Variants in CUX1 observed in about 807,000 individuals in gnomAD.
The protein encoded by CUX1 is cut like homeobox 1, also known as protein CASP.
CUX1 carries 31 observed loss-of-function variants against 158.8 expected under a neutral mutation model. The ratio of observed to expected loss-of-function variants is 0.20; its 90% CI spans 0.15 to 0.26. The LOEUF is 0.26. Among genes scored for constraint, CUX1 ranks in the 10% least tolerant of loss-of-function variants. CUX1 has a pLI of 1.00. For synonymous variants in CUX1, 879 were observed against 862.1 expected, an observed-to-expected ratio of 1.02 and a Z score of -0.34; for missense variants, 1,589 against 2,014.6, an observed-to-expected ratio of 0.79 and a Z score of 4.04.
At position 102,181,729 on chromosome 7, in the gene CUX1, T is replaced by C. The variant is rs189796255; in HGVS notation, c.1017+3072T>C. On this transcript the variant is annotated intron_variant, in intron 11 of 23. Coordinates refer to ENST00000292535, the MANE Select transcript of CUX1 (RefSeq NM_181552.4). ...ATTATCTTAACTCCTTGTTGCCAGA[T>C]TGTCCTGATACGAAACCCACATGCA... Among the ~76,000 whole-genome samples, 649 of 152,304 alleles carry C rather than the reference T, an allele frequency of 4.3e-3. 2 individuals are homozygous for C. Among genetic ancestry groups the C allele is most frequent in the Non-Finnish European group, 5.3e-3 (363 of 68,018 alleles).
chr7:101,945,510 C>T (rs1808256228), intron 2 of CUX1, among the ~76,000 whole-genome samples: 1 of 152,184 alleles, frequency 6.6e-6, no homozygotes, highest in African/African-American at 2.4e-5. Context: ...CGAGTGTTCT[C>T]ATTATGCTGG....
chr7:102,193,389 T>C (rs910907546), intron 12 of CUX1, among the ~76,000 whole-genome samples: 4 of 152,182 alleles, frequency 2.6e-5, no homozygotes, highest in African/African-American at 9.6e-5. Context: ...TGAATAGTTA[T>C]TCTAGAGACA....
intron 3 of CUX1, among the ~76,000 whole-genome samples, chr7:102,049,823 C>T (rs766388207): frequency 2.6e-4 from 39 of 152,126 alleles, no homozygotes; most frequent in Non-Finnish European, 3.5e-4. Context: ...TCAGGGAGCC[C>T]CTTGATGTTT....
At chr7:101,867,779 A>G (rs1798082562) in intron 1 of CUX1, among the ~76,000 whole-genome samples, 1 of 152,064 alleles carries the variant, frequency 6.6e-6, no homozygotes, top group Admixed American at 6.5e-5. Flanking sequence ...ATTCATGATC[A>G]CCACGGAAAA....
chr7:102,059,311 G>A (rs527772884), intron 3 of CUX1, among the ~76,000 whole-genome samples: 7 of 152,148 alleles, frequency 4.6e-5, no homozygotes, highest in Admixed American at 2.0e-4. Flanking sequence ...CGGCTTCTTC[G>A]GGGCCTCTCT....
At chr7:102,102,828 C>T (rs1829923494) in intron 5 of CUX1, among the ~76,000 whole-genome samples, 1 of 152,170 alleles carries the variant, frequency 6.6e-6, no homozygotes, top group South Asian at 2.1e-4. Flanking sequence ...AAGCATCCAG[C>T]ATGCGGAGTG....
intron 2 of CUX1, among the ~76,000 whole-genome samples, chr7:101,919,232 G>C (rs914789875): frequency 2.6e-5 from 4 of 151,966 alleles, no homozygotes; most frequent in Non-Finnish European, 5.9e-5. Flanking sequence ...GTGACAGTAC[G>C]TGTGTGTGTA....
intron 20 of CUX1, among the ~76,000 whole-genome samples, chr7:102,206,726 G>A (rs988684675): frequency 5.3e-5 from 8 of 152,236 alleles, no homozygotes; most frequent in African/African-American, 9.6e-5. Flanking sequence ...GTGAAACCCC[G>A]TCTCTACTAA....
intron 8 of CUX1, among the ~76,000 whole-genome samples, chr7:102,132,459 T>G (rs1371017275): frequency 1.1e-4 from 17 of 152,056 alleles, no homozygotes; most frequent in Non-Finnish European, 1.8e-4. Flanking sequence ...GTTGTTATTC[T>G]CCGTAACTTC....
intron 2 of CUX1, among the ~76,000 whole-genome samples, chr7:102,015,097 A>C (rs1157277453): frequency 6.6e-6 from 1 of 152,188 alleles, no homozygotes; most frequent in Non-Finnish European, 1.5e-5. Context: ...CTAAGACAAA[A>C]GGATGTCTTT....
At chr7:101,886,929 A>G (rs986146517) in intron 1 of CUX1, among the ~76,000 whole-genome samples, 9 of 152,128 alleles carry the variant, frequency 5.9e-5, no homozygotes, top group African/African-American at 2.2e-4. Context: ...CAACAAGAGG[A>G]GCCCCCAGAC....
intron 1 of CUX1, among the ~76,000 whole-genome samples, chr7:101,834,345 T>A (rs1396600822): frequency 6.6e-6 from 1 of 151,928 alleles, no homozygotes; most frequent in African/African-American, 2.4e-5. Flanking sequence ...AGCTAATTTT[T>A]GTATTTTTAG....
At chr7:101,911,157 A>T (rs560453291) in intron 1 of CUX1, among the ~76,000 whole-genome samples, 1 of 152,294 alleles carries the variant, frequency 6.6e-6, no homozygotes, top group Admixed American at 6.5e-5. Context: ...CTGCCCCTGC[A>T]GTGGACTGCC....
In CUX1 at chr7:102,249,359, A is replaced by T; in HGVS notation, c.*317A>T. 1.0e-6 allele frequency: 1 copy of T among 1,003,564 alleles called. No homozygotes were observed. Among genetic ancestry groups the T allele is most frequent in the Non-Finnish European group, 1.2e-6 (1 of 841,534 alleles). The allele number at this position is 1,003,564 out of a possible 1,614,324, so 62.2% of individuals were successfully genotyped here. A position where few individuals can be genotyped will look rare whatever the true frequency, so the allele number is the denominator to read the frequency against. On this transcript the variant is annotated 3_prime_UTR_variant, in exon 24 of 24. Transcript: ENST00000292535. ...TTGCGCACTTACCGCCCTGCGGGCC[A>T]CAGGGCAAAATCGCCATAGGCCAAG...
At chr7:102,261,652 C>T (rs1192973226), downstream of CUX1, among the ~76,000 whole-genome samples, 2 of 151,808 alleles carry the variant, frequency 1.3e-5, no homozygotes, top group South Asian at 2.1e-4. Context: ...TTCAGGGAGG[C>T]GTCAGTGTCT....
Position 102,111,791 on chromosome 7 carries a change from C to G in CUX1, c.607+17C>G. ...TACAAACAGGTTTGATACTCTCCTTCCTAGTACCATGGATGTGGGGAGGAC... is the reference window on the plus strand; with the variant it reads ...TACAAACAGGTTTGATACTCTCCTTGCTAGTACCATGGATGTGGGGAGGAC... On this transcript the variant is annotated intron_variant, in intron 7 of 23. Coordinates refer to ENST00000292535, the MANE Select transcript of CUX1 (RefSeq NM_181552.4). 6.2e-7 allele frequency: 1 copy of G among 1,609,684 alleles called. No homozygotes were observed. The highest frequency in any genetic ancestry group is 8.5e-7 in the Non-Finnish European group (1 of 1,175,996).
intron 1 of CUX1, among the ~76,000 whole-genome samples, chr7:101,836,981 T>A (rs1440664729): frequency 6.6e-6 from 1 of 152,218 alleles, no homozygotes; most frequent in African/African-American, 2.4e-5. Context: ...TTCTGTGGCC[T>A]GGGAAAGTCA....
At chr7:102,087,935 T>C (rs1346032978) in intron 4 of CUX1, among the ~76,000 whole-genome samples, 1 of 152,142 alleles carries the variant, frequency 6.6e-6, no homozygotes, top group South Asian at 2.1e-4. Context: ...TATTATGATA[T>C]AGGCACACTG....
intron 23 of CUX1, among the ~76,000 whole-genome samples, chr7:102,244,077 G>T (rs1554536005): frequency 1.3e-5 from 2 of 152,010 alleles, no homozygotes; most frequent in Non-Finnish European, 2.9e-5. Context: ...GCAGGCCAAG[G>T]GCAGAGGGCA....
Sources: gnomAD v4.1 joint callset for allele counts (sites outside exome capture counted in the v4.1 genomes callset) on GRCh38, gnomAD v4.1.1 for gene constraint, MANE v1.5 for transcripts, NCBI Gene and HGNC (gene_info 2026-07-23, HGNC 2026-07-21) for gene names.